Variants in NAA15 observed in about 807,000 individuals in gnomAD.
NAA15 encodes N-alpha-acetyltransferase 15, NatA auxiliary subunit.
NAA15 carries 34 observed loss-of-function variants against 114.0 expected under a neutral mutation model. That is an observed-to-expected ratio of 0.30 (90% CI 0.23 to 0.40). NAA15 has a LOEUF of 0.40. Among genes scored for constraint, NAA15 ranks in the 10% least tolerant of loss-of-function variants. The probability of loss-of-function intolerance (pLI) is 1.00; values close to 1 mark genes in which losing one functional copy is unlikely to be tolerated. For missense variants in NAA15, 658 were observed against 1,004.5 expected, an observed-to-expected ratio of 0.66 and a Z score of 4.66; for synonymous variants, 340 against 338.0, an observed-to-expected ratio of 1.01 and a Z score of -0.06.
intron 1 of NAA15, among the ~76,000 whole-genome samples, chr4:139,309,995 G>A (rs1267300606): frequency 6.6e-6 from 1 of 152,078 alleles, no homozygotes; most frequent in Non-Finnish European, 1.5e-5. Flanking sequence ...CCAGAGGGGC[G>A]GGCATGGTGC....
chr4:139,358,727 G>A (rs1748042855), intron 11 of NAA15, among the ~76,000 whole-genome samples: 1 of 152,158 alleles, frequency 6.6e-6, no homozygotes, highest in Non-Finnish European at 1.5e-5. Flanking sequence ...ATTGGGGAAT[G>A]TCTACTAATG....
At position 139,365,617 on chromosome 4, in the gene NAA15, C is replaced by T. The variant is rs567023252; in HGVS notation, c.1753+3680C>T. 3.2e-4 allele frequency among the ~76,000 whole-genome samples: 48 copies of T among 152,102 alleles called. 1 individual carries two copies. The South Asian group carries it at 9.2e-3, about 29-fold the overall frequency. ...CTTTTGGAGGCCAAGGCAGGTGGAT[C>T]GTTTGAGTCCAGGAGTCCGAGACCA... On this transcript the variant is annotated intron_variant, in intron 14 of 19. Coordinates refer to ENST00000296543, the MANE Select transcript of NAA15 (RefSeq NM_057175.5).
chr4:139,387,980 C>G lies in NAA15; in HGVS notation c.2497C>G (p.Pro833Ala). The G allele has an allele frequency of 6.2e-7, 1 of 1,613,842 alleles. No homozygotes were observed. The highest frequency in any genetic ancestry group is 8.5e-7 in the Non-Finnish European group (1 of 1,179,866). ...TAGAGCAAATTGTCATAAGCTTTTC[C>G]CTTATGCTTTGGCTTTCATGCCTCC... ...IYRANCHKLF[P>A]YALAFMPPGY... is the part of the protein sequence containing the mutation. The change falls in exon 20 of 20, where the codon CCT becomes GCT. Residue 833 changes from proline (P) to alanine (A), a missense_variant. By Grantham distance (27) the Pro-to-Ala change is conservative (BLOSUM62 -1). Transcript: ENST00000296543.
At chr4:139,339,382 A>C (rs566490491) in intron 3 of NAA15, among the ~76,000 whole-genome samples, 1 of 152,172 alleles carries the variant, frequency 6.6e-6, no homozygotes, top group African/African-American at 2.4e-5. Flanking sequence ...CTGTGGTCCT[A>C]GCTGCTCTGG....
At position 139,342,861 on chromosome 4, in the gene NAA15, G is replaced by T. The variant is rs775417023; in HGVS notation, c.438G>T (p.Ala146=). The T allele has an allele frequency of 5.0e-6, 8 of 1,613,582 alleles. No individual in the cohort carries two copies. The highest frequency in any genetic ancestry group is 3.3e-4 in the Middle Eastern group (2 of 6,084). Reference sequence around the variant, plus strand: ...ATCAGTTACTTCAGCTTCGACCTGCGCAGAGAGCATCATGGATTGGTTATG... The same window carrying T: ...ATCAGTTACTTCAGCTTCGACCTGCTCAGAGAGCATCATGGATTGGTTATG... The part of the protein sequence containing the change: ...TRYQLLQLRP[A]QRASWIGYAI... The change falls in exon 5 of 20, where the codon GCG becomes GCT. Residue 146 remains alanine, a synonymous_variant. Coordinates refer to ENST00000296543, the MANE Select transcript of NAA15 (RefSeq NM_057175.5).
intron 1 of NAA15, among the ~76,000 whole-genome samples, chr4:139,319,428 T>C (rs564906909): frequency 6.7e-6 from 1 of 149,652 alleles, no homozygotes; most frequent in South Asian, 2.1e-4. Flanking sequence ...TCTTTTATTT[T>C]ATTTTTGCTT....
Position 139,388,164 on chromosome 4 carries a change from TCTAA to T in NAA15, c.*83_*86del. 1 of 1,176,508 alleles carries T rather than the reference TCTAA, an allele frequency of 8.5e-7. No individual in the cohort carries two copies. Among genetic ancestry groups the T allele is most frequent in the Admixed American group, 2.1e-5 (1 of 48,718 alleles). The allele number at this position is 1,176,508 out of a possible 1,614,324, so 72.9% of individuals were successfully genotyped here. A position where few individuals can be genotyped will look rare whatever the true frequency, so the allele number is the denominator to read the frequency against. On this transcript the variant is annotated 3_prime_UTR_variant, in exon 20 of 20. Coordinates refer to ENST00000296543, the MANE Select transcript of NAA15 (RefSeq NM_057175.5). ...TTTTGTCACGCACCTGCTGCATTGC[TCTAA>T]CTTACACAGAATGAGAGGAGTAAAT... is the stretch of plus-strand genomic sequence containing the variant.
chr4:139,332,073 C>T (rs887659610), intron 1 of NAA15, among the ~76,000 whole-genome samples: 2 of 152,140 alleles, frequency 1.3e-5, no homozygotes, highest in Non-Finnish European at 2.9e-5. Context: ...CTGCTCCACT[C>T]TGGAGTGGCT....
At position 139,303,253 on chromosome 4, in the gene NAA15, G is replaced by GA. The variant is rs1560946959; in HGVS notation, c.54+1428dup. Among the ~76,000 whole-genome samples, 12 of 152,088 alleles carry GA rather than the reference G, an allele frequency of 7.9e-5. No homozygotes were observed. In the South Asian group the frequency reaches 2.5e-3, roughly 32 times the overall value. On this transcript the variant is annotated intron_variant, in intron 1 of 19. Coordinates refer to ENST00000296543, the MANE Select transcript of NAA15 (RefSeq NM_057175.5). ...AGGTGGAGCTGTAAAATAGTTTTAG[G>GA]AAAAAAGTTACTTTTAAACCCTTAA...
At chr4:139,320,119 C>G (rs576250204) in intron 1 of NAA15, among the ~76,000 whole-genome samples, 1 of 152,252 alleles carries the variant, frequency 6.6e-6, no homozygotes, top group South Asian at 2.1e-4. Flanking sequence ...TTTTCCCAGG[C>G]AAGTTGAGAT....
At chr4:139,365,635 C>T (rs1748258428) in intron 14 of NAA15, among the ~76,000 whole-genome samples, 1 of 151,880 alleles carries the variant, frequency 6.6e-6, no homozygotes, top group Non-Finnish European at 1.5e-5. Context: ...TCCAGGAGTC[C>T]GAGACCAGCC....
intron 11 of NAA15, among the ~76,000 whole-genome samples, chr4:139,359,494 A>T (rs905261334): frequency 1.3e-5 from 2 of 152,222 alleles, no homozygotes; most frequent in African/African-American, 4.8e-5. Flanking sequence ...GGCAATGGCG[A>T]TATTAACAGT....
rs550082162 is a variant in NAA15, at chr4:139,383,575, G to A, written c.2156-1257G>A. Among the ~76,000 whole-genome samples the A allele has an allele frequency of 1.3e-3, 192 of 152,196 alleles. 3 individuals carry two copies. In the South Asian group the frequency reaches 0.013, roughly 11 times the overall value. ...AACCTCCACCTCCCAGGTTCAAGCT[G>A]TTCTCCTGCCTCAGCCTCCTGAGTA... On this transcript the variant is annotated intron_variant, in intron 17 of 19. Coordinates refer to ENST00000296543, the MANE Select transcript of NAA15 (RefSeq NM_057175.5).
Position 139,359,785 on chromosome 4 carries a change from G to A in NAA15, c.1300G>A (p.Ala434Thr). Reference protein sequence around the residue: ...IKEAARWMDEAQALDTADRFI... With the variant: ...IKEAARWMDETQALDTADRFI... ...AGAAGCTGCAAGGTGGATGGATGAG[G>A]CCCAGGCCTTGGACACAGCAGACAG... The change falls in exon 12 of 20, where the codon GCC (alanine) becomes ACC (threonine). Residue 434 changes from alanine to threonine, a missense_variant. By Grantham distance (58) the Ala-to-Thr change is moderately conservative. This residue lies in a region of NAA15 where 281 missense variants were observed against 389.1 expected (regional missense o/e 0.72). Coordinates refer to ENST00000296543, the MANE Select transcript of NAA15 (RefSeq NM_057175.5). The A allele has an allele frequency of 6.2e-7, 1 of 1,607,934 alleles. No individual in the cohort carries two copies. Among genetic ancestry groups the A allele is most frequent in the South Asian group, 1.1e-5 (1 of 89,528 alleles).
At chr4:139,315,065 G>T (rs377282806) in intron 1 of NAA15, among the ~76,000 whole-genome samples, 28,949 of 128,642 alleles carry the variant, frequency 0.23, 5,123 homozygotes, top group African/African-American at 0.34. Context: ...GTTTAGTTTA[G>T]TTTAGTTTAG....
At chr4:139,330,259 A>C (rs1746956400) in intron 1 of NAA15, among the ~76,000 whole-genome samples, 1 of 152,244 alleles carries the variant, frequency 6.6e-6, no homozygotes, top group Admixed American at 6.5e-5. Flanking sequence ...TTTACATCAT[A>C]GCTTCCTTTA....
intron 1 of NAA15, among the ~76,000 whole-genome samples, chr4:139,303,114 C>T (rs767207741): frequency 6.6e-6 from 1 of 152,174 alleles, no homozygotes; most frequent in South Asian, 2.1e-4. Context: ...TCCATATGCC[C>T]TACAGATTTA....
chr4:139,371,896 T>C (rs1302582839), intron 15 of NAA15, among the ~76,000 whole-genome samples: 6 of 152,162 alleles, frequency 3.9e-5, no homozygotes. Context: ...TAACTCTTCA[T>C]GTTTTCATGT....
intron 14 of NAA15, among the ~76,000 whole-genome samples, chr4:139,364,785 G>A (rs899651484): frequency 6.6e-6 from 1 of 152,120 alleles, no homozygotes; most frequent in African/African-American, 2.4e-5. Context: ...GAATTAGCTT[G>A]TCTTCCAGAA....
Sources: allele counts gnomAD v4.1 joint callset (sites outside exome capture counted in the v4.1 genomes callset), GRCh38; gene constraint gnomAD v4.1.1; regional missense constraint gnomAD v4.1.1; transcripts MANE v1.5; gene names NCBI Gene and HGNC (gene_info 2026-07-23, HGNC 2026-07-21).